The following CNTN4 variants were observed in gnomAD, a reference collection of about 807,000 sequenced individuals.
CNTN4 encodes contactin 4.
A neutral mutation model predicts 122.5 loss-of-function variants in CNTN4; 77 were observed. The ratio of observed to expected loss-of-function variants is 0.63; its 90% CI spans 0.52 to 0.76. The LOEUF (loss-of-function observed/expected upper bound fraction) is 0.76. Among genes scored for constraint, CNTN4 ranks in the 30% least tolerant of loss-of-function variants. CNTN4 has a pLI of 0.00. For missense variants in CNTN4, 1,256 were observed against 1,259.1 expected (o/e 1.00, Z 0.04); for synonymous variants, 512 against 447.0 (o/e 1.15, Z -1.83).
chr3:2,953,455 C>G (rs146509799), intron 13 of CNTN4, among the ~76,000 whole-genome samples: 182 of 151,818 alleles, frequency 1.2e-3, no homozygotes, highest in African/African-American at 3.9e-3. Context: ...CTAGTCCATC[C>G]AGGCCACTTC....
chr3:2,196,780 C>T (rs1014594168), intron 2 of CNTN4, among the ~76,000 whole-genome samples: 1 of 151,858 alleles, frequency 6.6e-6, no homozygotes, highest in African/African-American at 2.4e-5. Context: ...CACGGTGGCT[C>T]GCTCCTGTAA....
intron 13 of CNTN4, among the ~76,000 whole-genome samples, chr3:2,966,141 T>C (rs1692285881): frequency 6.6e-6 from 1 of 151,986 alleles, no homozygotes; most frequent in African/African-American, 2.4e-5. Context: ...GAAGGAGAGA[T>C]GGAAGAAAGG....
At chr3:2,728,413 A>G (rs1243629696) in intron 4 of CNTN4, among the ~76,000 whole-genome samples, 1 of 152,154 alleles carries the variant, frequency 6.6e-6, no homozygotes, top group Non-Finnish European at 1.5e-5. Flanking sequence ...GGTGGTGGAA[A>G]GAGTAATGGT....
intron 4 of CNTN4, among the ~76,000 whole-genome samples, chr3:2,610,168 T>C (rs2081420686): frequency 6.6e-6 from 1 of 152,190 alleles, no homozygotes; most frequent in African/African-American, 2.4e-5. Flanking sequence ...TTTTTCACCA[T>C]AGTATAAGTT....
intron 6 of CNTN4, among the ~76,000 whole-genome samples, chr3:2,767,268 G>A (rs1405347659): frequency 6.6e-6 from 1 of 152,160 alleles, no homozygotes; most frequent in East Asian, 1.9e-4. Context: ...TATTGATCTG[G>A]GGAGAGGGGG....
intron 7 of CNTN4, among the ~76,000 whole-genome samples, chr3:2,860,853 A>G (rs1388596554): frequency 6.6e-6 from 1 of 152,128 alleles, no homozygotes; most frequent in Non-Finnish European, 1.5e-5. Flanking sequence ...TCTGAAACCA[A>G]ACACTCTTGC....
chr3:2,420,817 A>G (rs1216270001), intron 3 of CNTN4, among the ~76,000 whole-genome samples: 1 of 152,146 alleles, frequency 6.6e-6, no homozygotes, highest in Non-Finnish European at 1.5e-5. Context: ...GTTACACTGT[A>G]ATACTTGTTT....
intron 2 of CNTN4, among the ~76,000 whole-genome samples, chr3:2,235,808 T>A (rs188566145): frequency 2.6e-4 from 39 of 152,272 alleles, no homozygotes; most frequent in African/African-American, 9.1e-4. Flanking sequence ...ATTGTTACAA[T>A]ACATCCACTT....
Position 2,512,129 on chromosome 3 carries a change from T to C in CNTN4, c.-88-59287T>C, listed in dbSNP as rs1180531835. 3.9e-5 allele frequency among the ~76,000 whole-genome samples: 6 copies of C among 152,332 alleles called. No homozygotes were observed. In the East Asian group the frequency reaches 1.2e-3, roughly 29 times the overall value. On this transcript the variant is annotated intron_variant, in intron 3 of 24. Coordinates refer to ENST00000418658, the MANE Select transcript of CNTN4 (RefSeq NM_175607.3). ...AATTTAAATTTAACATAGTTTATTT[T>C]GCTGTTCTCTGCTGCTACTAAGAAA...
chr3:2,916,728 A>G (rs1447132590), intron 12 of CNTN4, among the ~76,000 whole-genome samples: 1 of 143,490 alleles, frequency 7.0e-6, no homozygotes, highest in East Asian at 2.1e-4. Flanking sequence ...CACCTCCCAG[A>G]CGGGGTGGCG....
At chr3:2,980,669 T>C (rs1018149318) in intron 13 of CNTN4, among the ~76,000 whole-genome samples, 4 of 151,362 alleles carry the variant, frequency 2.6e-5, no homozygotes, top group African/African-American at 9.7e-5. Flanking sequence ...ACACAAGGAG[T>C]GAGTTTAGAG....
At chr3:2,312,673 C>G (rs1306227277) in intron 2 of CNTN4, among the ~76,000 whole-genome samples, 1 of 152,036 alleles carries the variant, frequency 6.6e-6, no homozygotes, top group Non-Finnish European at 1.5e-5. Context: ...CTTTTTGAAA[C>G]TATAAATCAC....
At chr3:3,013,767 A>G (rs58683024) in intron 14 of CNTN4, among the ~76,000 whole-genome samples, 13,582 of 152,200 alleles carry the variant, frequency 0.089, 669 homozygotes, top group Middle Eastern at 0.19. Context: ...GAGTAAATGA[A>G]TGATTTTTCT....
At chr3:2,707,624 A>T (rs1394382881) in intron 4 of CNTN4, among the ~76,000 whole-genome samples, 1 of 146,342 alleles carries the variant, frequency 6.8e-6, no homozygotes, top group African/African-American at 2.5e-5. Context: ...ATATTGTTTG[A>T]TGCTTCTTTT....
intron 6 of CNTN4, among the ~76,000 whole-genome samples, chr3:2,797,861 G>A (rs2092236476): frequency 6.7e-6 from 1 of 149,194 alleles, no homozygotes; most frequent in South Asian, 2.1e-4. Flanking sequence ...CACATTTCTT[G>A]CTTCATGTCT....
At chr3:2,225,074 C>T (rs566823019) in intron 2 of CNTN4, among the ~76,000 whole-genome samples, 2 of 149,412 alleles carry the variant, frequency 1.3e-5, no homozygotes, top group Admixed American at 6.6e-5. Context: ...GGCGTGAACC[C>T]GGGAGGTAGA....
intron 14 of CNTN4, among the ~76,000 whole-genome samples, chr3:3,004,970 C>G (rs529811599): frequency 1.3e-5 from 2 of 152,206 alleles, no homozygotes; most frequent in Non-Finnish European, 2.9e-5. Context: ...TTTTAAAATT[C>G]AAGAGGCAGC....
intron 4 of CNTN4, among the ~76,000 whole-genome samples, chr3:2,595,246 C>G (rs999549482): frequency 3.9e-5 from 6 of 152,138 alleles, no homozygotes; most frequent in African/African-American, 1.4e-4. Context: ...CAATAAATTT[C>G]ATGGTAAAAT....
chr3:2,196,574 G>C (rs961804204), intron 2 of CNTN4, among the ~76,000 whole-genome samples: 10 of 151,824 alleles, frequency 6.6e-5, no homozygotes, highest in Admixed American at 6.6e-5. Flanking sequence ...AATTTTTGTT[G>C]GTACCATTCA....
Sources: gnomAD v4.1 joint callset for allele counts (sites outside exome capture counted in the v4.1 genomes callset) on GRCh38, gnomAD v4.1.1 for gene constraint, MANE v1.5 for transcripts, NCBI Gene and HGNC (gene_info 2026-07-23, HGNC 2026-07-21) for gene names.